The following ZNF385D variants were observed in gnomAD, a reference collection of about 807,000 sequenced individuals.
ZNF385D encodes the protein zinc finger protein 385D.
A neutral mutation model predicts 35.8 loss-of-function variants in ZNF385D; 15 were observed. The observed-to-expected ratio is 0.42, with a 90% confidence interval of 0.28 to 0.64. The LOEUF is 0.64. Ranked by LOEUF, ZNF385D falls within the 30% of genes least tolerant of loss-of-function variation. The probability of loss-of-function intolerance (pLI) is 0.23; values close to 1 mark genes in which losing one functional copy is unlikely to be tolerated. For missense variants in ZNF385D, 474 were observed against 494.6 expected (o/e 0.96, Z 0.39); for synonymous variants, 212 against 186.8 (o/e 1.13, Z -1.10).
In ZNF385D at chr3:22,194,118, G is replaced by A. The variant is rs141931905; in HGVS notation, c.107-25083C>T. Among the ~76,000 whole-genome samples the A allele has an allele frequency of 1.5e-3, 227 of 151,878 alleles. 3 individuals carry two copies. The South Asian group carries it at 0.028, about 19-fold the overall frequency. On this transcript the variant is annotated intron_variant, in intron 2 of 5. Transcript: ENST00000494108. ...CACATGCATGAATGGTAACACAGAA[G>A]AATTATTATTTTTAAGAGTTTTATA... is the stretch of plus-strand genomic sequence containing the variant.
At chr3:22,203,131 G>T (rs145787470) in intron 2 of ZNF385D, among the ~76,000 whole-genome samples, 1 of 152,086 alleles carries the variant, frequency 6.6e-6, no homozygotes, top group African/African-American at 2.4e-5. Context: ...AAAAGATAAC[G>T]TCCCCTCCAC....
chr3:21,827,561 C>G (rs934812573), intron 3 of ZNF385D, among the ~76,000 whole-genome samples: 10 of 152,134 alleles, frequency 6.6e-5, no homozygotes, highest in Non-Finnish European at 1.2e-4. Flanking sequence ...GTAAAAATCA[C>G]TTGTTGAACT....
At chr3:22,267,917 GA>G (rs1245132537) in intron 2 of ZNF385D, among the ~76,000 whole-genome samples, 2 of 151,766 alleles carry the variant, frequency 1.3e-5, no homozygotes, top group African/African-American at 4.8e-5. Flanking sequence ...AGTAAAAAAC[GA>G]AAAACAAAAA....
intron 4 of ZNF385D, among the ~76,000 whole-genome samples, chr3:21,509,419 C>T (rs1373686641): frequency 6.6e-6 from 1 of 152,178 alleles, no homozygotes; most frequent in African/African-American, 2.4e-5. Context: ...TTCATTACCA[C>T]TCATTCTCTT....
chr3:22,084,002 A>T (rs1306809077), intron 3 of ZNF385D, among the ~76,000 whole-genome samples: 3 of 152,198 alleles, frequency 2.0e-5, no homozygotes, highest in Non-Finnish European at 4.4e-5. Context: ...CGTGAAGGAG[A>T]AATAAAATAC....
intron 5 of ZNF385D, among the ~76,000 whole-genome samples, chr3:21,435,134 C>A (rs1701485862): frequency 6.6e-6 from 1 of 151,660 alleles, no homozygotes; most frequent in Admixed American, 6.6e-5. Flanking sequence ...TTTTGACACA[C>A]AAAGTAGAGA....
chr3:21,840,552 G>A (rs1399648558), intron 3 of ZNF385D, among the ~76,000 whole-genome samples: 4 of 132,046 alleles, frequency 3.0e-5, no homozygotes, highest in Non-Finnish European at 4.8e-5. Flanking sequence ...TGGGCAACTG[G>A]GAATTTTCAA....
At chr3:21,916,023 A>G (rs1700179275) in intron 3 of ZNF385D, among the ~76,000 whole-genome samples, 1 of 152,206 alleles carries the variant, frequency 6.6e-6, no homozygotes, top group Non-Finnish European at 1.5e-5. Flanking sequence ...GGTATGCACT[A>G]GGTTTTGTTT....
intron 3 of ZNF385D, among the ~76,000 whole-genome samples, chr3:22,043,535 T>C (rs933915048): frequency 6.6e-6 from 1 of 152,182 alleles, no homozygotes. Context: ...CAAGTAAATA[T>C]TGAGTAACTA....
intron 3 of ZNF385D, among the ~76,000 whole-genome samples, chr3:21,871,290 A>C (rs930531847): frequency 2.6e-5 from 4 of 152,124 alleles, no homozygotes; most frequent in South Asian, 4.1e-4. Flanking sequence ...CAAAATGATG[A>C]TCTTTAACCT....
chr3:22,197,494 T>G lies in ZNF385D; in HGVS notation c.107-28459A>C, dbSNP rs143363473. The stretch of plus-strand genomic sequence containing the variant: ...TCTATATTTGATTTTGACGTATTTG[T>G]TCAAAATGGTGAAAAATGCTTATAC... On this transcript the variant is annotated intron_variant, in intron 2 of 5. Coordinates refer to the ZNF385D transcript ENST00000494108. Among the ~76,000 whole-genome samples the G allele has an allele frequency of 1.9e-3, 285 of 152,236 alleles. 1 individual carries two copies. The highest frequency in any genetic ancestry group is 6.5e-3 in the African/African-American group (272 of 41,572).
chr3:21,848,182 T>C (rs1469613815), intron 3 of ZNF385D, among the ~76,000 whole-genome samples: 2 of 152,040 alleles, frequency 1.3e-5, no homozygotes, highest in Non-Finnish European at 1.5e-5. Context: ...GATTTCCTTT[T>C]TTTTAAAAAA....
intron 2 of ZNF385D, among the ~76,000 whole-genome samples, chr3:22,335,675 T>C (rs1206154177): frequency 6.6e-6 from 1 of 152,162 alleles, no homozygotes; most frequent in East Asian, 1.9e-4. Flanking sequence ...TGAAGAGCAT[T>C]GACATATATG....
chr3:21,992,065 C>T (rs534832854), intron 3 of ZNF385D, among the ~76,000 whole-genome samples: 1 of 152,286 alleles, frequency 6.6e-6, no homozygotes, highest in Admixed American at 6.5e-5. Context: ...TATGTAGTTG[C>T]TGTGAGAATT....
intron 2 of ZNF385D, among the ~76,000 whole-genome samples, chr3:21,581,406 A>T (rs1472519075): frequency 6.6e-6 from 1 of 152,142 alleles, no homozygotes; most frequent in Non-Finnish European, 1.5e-5. Flanking sequence ...TATAAATTCT[A>T]GTGCCATGTG....
At chr3:21,456,232 C>G (rs1393784443) in intron 4 of ZNF385D, among the ~76,000 whole-genome samples, 1 of 152,188 alleles carries the variant, frequency 6.6e-6, no homozygotes, top group Non-Finnish European at 1.5e-5. Flanking sequence ...CATCCCATTA[C>G]TGGGTATATA....
At chr3:21,434,930 G>A (rs1433643958) in intron 5 of ZNF385D, among the ~76,000 whole-genome samples, 3 of 152,032 alleles carry the variant, frequency 2.0e-5, no homozygotes, top group Non-Finnish European at 4.4e-5. Flanking sequence ...TCAAGTAAAG[G>A]GTGACAGCCA....
chr3:21,790,646 T>G (rs948550444), intron 3 of ZNF385D, among the ~76,000 whole-genome samples: 1 of 152,188 alleles, frequency 6.6e-6, no homozygotes, highest in South Asian at 2.1e-4. Flanking sequence ...CATTTGCAGA[T>G]GGACTTCATA....
chr3:21,626,331 C>A (rs1445713096), intron 2 of ZNF385D, among the ~76,000 whole-genome samples: 4 of 152,034 alleles, frequency 2.6e-5, no homozygotes, highest in South Asian at 4.1e-4. Flanking sequence ...AACTATGCTA[C>A]ATGTGTTATC....
Sources: gnomAD v4.1 joint callset for allele counts (sites outside exome capture counted in the v4.1 genomes callset) on GRCh38, gnomAD v4.1.1 for gene constraint, MANE v1.5 for transcripts, NCBI Gene and HGNC (gene_info 2026-07-23, HGNC 2026-07-21) for gene names.